ITGA1: variants seen among roughly 807,000 people sequenced by gnomAD.
ITGA1 encodes integrin alpha-1.
A neutral mutation model predicts 145.9 loss-of-function variants in ITGA1; 85 were observed. The ratio of observed to expected loss-of-function variants is 0.58; its 90% CI spans 0.49 to 0.70. The LOEUF is 0.70. Ranked by LOEUF, ITGA1 falls within the 30% of genes least tolerant of loss-of-function variation. The pLI, the probability that ITGA1 is intolerant of heterozygous loss-of-function variation, is 0.00. For synonymous variants in ITGA1, 520 were observed against 495.3 expected (o/e 1.05, Z -0.66); for missense variants, 1,351 against 1,418.7 (o/e 0.95, Z 0.77).
intron 6 of ITGA1, among the ~76,000 whole-genome samples, chr5:52,876,957 G>C (rs890420768): frequency 6.6e-6 from 1 of 152,166 alleles, no homozygotes; most frequent in Non-Finnish European, 1.5e-5. Context: ...CATTTGGTAG[G>C]AGTGGAGTTC....
At chr5:52,938,004 G>C (rs745543977) in intron 24 of ITGA1, among the ~76,000 whole-genome samples, 5 of 152,208 alleles carry the variant, frequency 3.3e-5, no homozygotes, top group Non-Finnish European at 5.9e-5. Flanking sequence ...TAAATCCAGA[G>C]TGATCTCATC....
chr5:52,808,053 G>C (rs1748623077), intron 1 of ITGA1, among the ~76,000 whole-genome samples: 1 of 152,108 alleles, frequency 6.6e-6, no homozygotes, highest in East Asian at 1.9e-4. Context: ...CTGATAGTGG[G>C]AGTGGATTCT....
At chr5:52,862,076 G>A (rs1749614452) in intron 3 of ITGA1, among the ~76,000 whole-genome samples, 1 of 151,604 alleles carries the variant, frequency 6.6e-6, no homozygotes, top group Non-Finnish European at 1.5e-5. Flanking sequence ...AATTAAGCTG[G>A]GCATAGTGGT....
At chr5:52,851,285 A>G (rs965522668) in intron 2 of ITGA1, among the ~76,000 whole-genome samples, 2 of 152,172 alleles carry the variant, frequency 1.3e-5, no homozygotes, top group African/African-American at 4.8e-5. Flanking sequence ...AATTATATGA[A>G]TGAACCTTAG....
intron 15 of ITGA1, among the ~76,000 whole-genome samples, chr5:52,917,998 G>T (rs968239838): frequency 6.6e-6 from 1 of 152,038 alleles, no homozygotes; most frequent in African/African-American, 2.4e-5. Flanking sequence ...TAATTGTTCC[G>T]GCTTGGATCT....
At chr5:52,924,342 G>A (rs934472420) in intron 18 of ITGA1, among the ~76,000 whole-genome samples, 3 of 152,160 alleles carry the variant, frequency 2.0e-5, no homozygotes, top group African/African-American at 7.2e-5. Context: ...CATTTCAGTG[G>A]AGCCCTGAAG....
chr5:52,886,845 C>A (rs907124710), intron 7 of ITGA1, among the ~76,000 whole-genome samples: 29 of 152,180 alleles, frequency 1.9e-4, no homozygotes, highest in African/African-American at 7.0e-4. Context: ...GTGGCGCGAT[C>A]TTGGCTCACT....
intron 26 of ITGA1, among the ~76,000 whole-genome samples, chr5:52,944,137 G>A (rs1751092234): frequency 1.3e-5 from 2 of 152,244 alleles, no homozygotes; most frequent in Admixed American, 1.3e-4. Context: ...TGGGGAGTCC[G>A]AGGGGATGGG....
At position 52,918,711 on chromosome 5, in the gene ITGA1, TC is replaced by T. The variant is rs752438257; in HGVS notation, c.1989-18del. On this transcript the variant is annotated intron_variant, in intron 15 of 28. Coordinates refer to ENST00000282588, the MANE Select transcript of ITGA1 (RefSeq NM_181501.2). ...ATTAAATGTAAAAATGTGTGAGTAA[TC>T]CCATTGTTTTTGTTTGTAGGTCCCG... is the stretch of plus-strand genomic sequence containing the variant. The T allele has an allele frequency of 1.4e-5, 23 of 1,595,996 alleles. No homozygotes were observed.
intron 1 of ITGA1, chr5:52,824,652 A>G (rs955558594): frequency 6.6e-6 from 1 of 152,212 alleles, no homozygotes; most frequent in Non-Finnish European, 1.5e-5. Flanking sequence ...CTTTTACCCC[A>G]TGCTAGAGGC....
intron 15 of ITGA1, among the ~76,000 whole-genome samples, chr5:52,917,107 G>A (rs1015187460): frequency 2.0e-5 from 3 of 152,186 alleles, no homozygotes; most frequent in Non-Finnish European, 4.4e-5. Context: ...TAGGAAAAAC[G>A]TTTGGAAGCA....
chr5:52,839,191 C>T (rs1749212537), intron 1 of ITGA1, among the ~76,000 whole-genome samples: 1 of 151,986 alleles, frequency 6.6e-6, no homozygotes, highest in Admixed American at 6.6e-5. Context: ...TGAAGAATAC[C>T]TGTTATATGT....
At chr5:52,808,676 C>CTTTCTTTTTTTTTTTTTTTTTTTT (rs1554041033) in intron 1 of ITGA1, among the ~76,000 whole-genome samples, 39 of 69,334 alleles carry the variant, frequency 5.6e-4, no homozygotes, top group Admixed American at 7.8e-4. Flanking sequence ...TTCTTTCTTT[C>CTTTCTTTTTTTTTTTTTTTTTTTT]TTTTTTTTTT....
At chr5:52,891,897 A>G (rs1750157587) in intron 8 of ITGA1, among the ~76,000 whole-genome samples, 1 of 152,050 alleles carries the variant, frequency 6.6e-6, no homozygotes, top group African/African-American at 2.4e-5. Context: ...ACATTTTTAT[A>G]TTAAAAACAG....
intron 28 of ITGA1, among the ~76,000 whole-genome samples, chr5:52,949,734 C>T (rs779670784): frequency 4.6e-5 from 7 of 152,106 alleles, no homozygotes; most frequent in African/African-American, 1.2e-4. Context: ...TTCAGACTTT[C>T]GGTAGTTCCA....
At chr5:52,801,416 C>T in intron 1 of ITGA1, 1 of 1,610,582 alleles carries the variant, frequency 6.2e-7, no homozygotes, top group Non-Finnish European at 8.5e-7. Context: ...TAGGTACATG[C>T]CTCCTCCGGA....
chr5:52,951,872 G>T (rs935772850), intron 28 of ITGA1, among the ~76,000 whole-genome samples: 1 of 152,160 alleles, frequency 6.6e-6, no homozygotes, highest in Admixed American at 6.6e-5. Context: ...AGGGGTCATG[G>T]TGTATTTAAC....
chr5:52,911,288 T>C (rs1750520640), intron 14 of ITGA1, among the ~76,000 whole-genome samples: 1 of 135,966 alleles, frequency 7.4e-6, no homozygotes, highest in Non-Finnish European at 1.5e-5. Flanking sequence ...ATATATAGTA[T>C]ATACAGTGTA....
intron 1 of ITGA1, among the ~76,000 whole-genome samples, chr5:52,842,258 C>T (rs1192360329): frequency 6.6e-6 from 1 of 152,168 alleles, no homozygotes; most frequent in Non-Finnish European, 1.5e-5. Context: ...ATGGTGTCAT[C>T]TGTACTCCTC....
Sources: allele counts gnomAD v4.1 joint callset (sites outside exome capture counted in the v4.1 genomes callset), GRCh38; gene constraint gnomAD v4.1.1; transcripts MANE v1.5; gene names NCBI Gene and HGNC (gene_info 2026-07-23, HGNC 2026-07-21).